PRKD3: variants seen among roughly 807,000 people sequenced by gnomAD.
PRKD3 encodes serine/threonine-protein kinase D3.
Under a neutral mutation model 99.2 loss-of-function variants are expected in PRKD3, and 47 were observed. That is an observed-to-expected ratio of 0.47 (90% CI 0.38 to 0.60). The LOEUF is 0.60. PRKD3 is among the 20% of genes least tolerant of loss of function. PRKD3 has a pLI of 0.00. For missense variants in PRKD3, 1,019 were observed against 1,088.4 expected (o/e 0.94, Z 0.90); for synonymous variants, 392 against 355.4 (o/e 1.10, Z -1.16).
At chr2:37,318,227 G>A (rs1671744230) in intron 1 of PRKD3, among the ~76,000 whole-genome samples, 1 of 152,092 alleles carries the variant, frequency 6.6e-6, no homozygotes, top group Non-Finnish European at 1.5e-5. Context: ...GGAAAAAACT[G>A]AGACTTTAAA....
intron 2 of PRKD3, among the ~76,000 whole-genome samples, chr2:37,299,552 ACACACAC>A (rs1156290497): frequency 3.1e-5 from 4 of 129,092 alleles, no homozygotes; most frequent in Admixed American, 1.6e-4. Context: ...ACACACACAC[ACACACAC>A]AAGCTTCTGC....
chr2:37,295,198 A>C (rs1321223749), intron 2 of PRKD3, among the ~76,000 whole-genome samples: 1 of 152,238 alleles, frequency 6.6e-6, no homozygotes, highest in Non-Finnish European at 1.5e-5. Flanking sequence ...GTAAAGACAG[A>C]ATAGTCCTTA....
intron 14 of PRKD3, among the ~76,000 whole-genome samples, chr2:37,264,723 T>C (rs1668714998): frequency 6.6e-6 from 1 of 151,968 alleles, no homozygotes; most frequent in South Asian, 2.1e-4. Flanking sequence ...AGCAAGAAAG[T>C]CAACATGGCT....
intron 1 of PRKD3, among the ~76,000 whole-genome samples, chr2:37,319,340 C>T (rs1347150039): frequency 6.6e-6 from 1 of 152,116 alleles, no homozygotes; most frequent in South Asian, 2.1e-4. Context: ...AAAGTCTTTA[C>T]GGAACTGCCT....
intron 2 of PRKD3, among the ~76,000 whole-genome samples, chr2:37,296,165 GT>G (rs1670666043): frequency 1.3e-5 from 2 of 152,290 alleles, no homozygotes; most frequent in Admixed American, 1.3e-4. Context: ...CATCAATACT[GT>G]TTTGACCAAA....
chr2:37,282,009 G>A (rs1162899133), intron 7 of PRKD3, among the ~76,000 whole-genome samples: 1 of 152,178 alleles, frequency 6.6e-6, no homozygotes. Flanking sequence ...AGTATAGTGT[G>A]TTCTAATCAC....
intron 2 of PRKD3, among the ~76,000 whole-genome samples, chr2:37,298,041 C>T (rs548854438): frequency 4.6e-5 from 7 of 152,190 alleles, no homozygotes; most frequent in African/African-American, 1.7e-4. Flanking sequence ...TATCTATTTT[C>T]CCCCACTTAT....
intron 2 of PRKD3, among the ~76,000 whole-genome samples, chr2:37,305,271 A>C (rs1040581372): frequency 2.6e-5 from 4 of 152,234 alleles, no homozygotes; most frequent in Non-Finnish European, 2.9e-5. Context: ...TAGGCTACAT[A>C]AGCAAACAAC....
intron 2 of PRKD3, among the ~76,000 whole-genome samples, chr2:37,313,456 C>G (rs556887253): frequency 6.6e-6 from 1 of 151,862 alleles, no homozygotes; most frequent in Non-Finnish European, 1.5e-5. Flanking sequence ...AAATAGAAAA[C>G]AGCCAATCTA....
At position 37,279,777 on chromosome 2, in the gene PRKD3, C is replaced by G. The variant is rs763090259; in HGVS notation, c.1141G>C (p.Glu381Gln). 1.9e-6 allele frequency: 3 copies of G among 1,613,174 alleles called. No homozygotes were observed. In the African/African-American group the frequency reaches 4.0e-5, roughly 22 times the overall value. The change falls in exon 8 of 19, where the codon GAA (glutamate) becomes CAA (glutamine). Residue 381 changes from glutamate to glutamine, a missense_variant. Glu to Gln is a conservative substitution (Grantham distance 29, BLOSUM62 2). Around this residue, in one of 3 missense-constraint regions of PRKD3, gnomAD observed 710 missense variants for 692.7 expected, o/e 1.02. Coordinates refer to ENST00000234179, the MANE Select transcript of PRKD3 (RefSeq NM_005813.6). ...FFLDPSDLDV[E>Q]RDEEAVKTIS... The stretch of plus-strand genomic sequence containing the variant: ...GTTTTAACGGCTTCTTCATCTCTTT[C>G]CACATCGAGATCAGATGGATCCAAG...
chr2:37,273,399 T>G (rs1399159001), intron 11 of PRKD3, among the ~76,000 whole-genome samples: 1 of 152,138 alleles, frequency 6.6e-6, no homozygotes, highest in African/African-American at 2.4e-5. Flanking sequence ...CTCATCACAC[T>G]TGTCTCAACT....
At chr2:37,283,951 A>G (rs533475533) in intron 6 of PRKD3, among the ~76,000 whole-genome samples, 4 of 151,762 alleles carry the variant, frequency 2.6e-5, no homozygotes, top group East Asian at 1.9e-4. Flanking sequence ...ACTACCTGCA[A>G]GTATGTAGGT....
chr2:37,264,828 T>A (rs1029089057), intron 14 of PRKD3, among the ~76,000 whole-genome samples: 1 of 152,170 alleles, frequency 6.6e-6, no homozygotes, highest in South Asian at 2.1e-4. Flanking sequence ...TCATAAAGAA[T>A]AATCACAGGT....
At chr2:37,270,977 T>A (rs1432937343) in intron 12 of PRKD3, among the ~76,000 whole-genome samples, 3 of 152,202 alleles carry the variant, frequency 2.0e-5, no homozygotes, top group Non-Finnish European at 2.9e-5. Flanking sequence ...TTGATATTCC[T>A]CCTTATCTCC....
intron 12 of PRKD3, among the ~76,000 whole-genome samples, chr2:37,270,382 A>G (rs1377893091): frequency 1.3e-5 from 2 of 148,626 alleles, no homozygotes; most frequent in Non-Finnish European, 3.0e-5. Flanking sequence ...AAAAGTTCAT[A>G]TTACTGGGAT....
intron 16 of PRKD3, among the ~76,000 whole-genome samples, chr2:37,258,753 A>G (rs1052252384): frequency 4.6e-5 from 7 of 152,230 alleles, no homozygotes; most frequent in African/African-American, 1.4e-4. Flanking sequence ...AAGCTGAACG[A>G]TTTTTAATAT....
intron 14 of PRKD3, among the ~76,000 whole-genome samples, chr2:37,261,225 G>A (rs1572616862): frequency 6.6e-6 from 1 of 152,182 alleles, no homozygotes; most frequent in Non-Finnish European, 1.5e-5. Flanking sequence ...GGTGGCTCAC[G>A]CCTGTAATCC....
chr2:37,275,115 A>G (rs1044098577), intron 10 of PRKD3, among the ~76,000 whole-genome samples: 5 of 152,180 alleles, frequency 3.3e-5, no homozygotes, highest in Non-Finnish European at 5.9e-5. Flanking sequence ...TCAGTTGTTT[A>G]AGCCACTCCC....
chr2:37,255,663 T>A (rs1667872242), intron 17 of PRKD3, among the ~76,000 whole-genome samples: 3 of 152,202 alleles, frequency 2.0e-5, no homozygotes, highest in African/African-American at 7.2e-5. Context: ...GAGCTCACAG[T>A]CTTGTTCTGA....
Sources: gnomAD v4.1 joint callset for allele counts (sites outside exome capture counted in the v4.1 genomes callset) on GRCh38, gnomAD v4.1.1 for gene constraint, gnomAD v4.1.1 regional missense constraint, MANE v1.5 for transcripts, NCBI Gene and HGNC (gene_info 2026-07-23, HGNC 2026-07-21) for gene names.